Variants in CNTNAP5 observed in about 807,000 individuals in gnomAD.
CNTNAP5 encodes contactin associated protein family member 5.
CNTNAP5 carries 72 observed loss-of-function variants against 150.2 expected under a neutral mutation model. That is an observed-to-expected ratio of 0.48 (90% CI 0.40 to 0.58). The LOEUF (loss-of-function observed/expected upper bound fraction) is 0.58, where lower values mean the gene tolerates loss of function less well. Among genes scored for constraint, CNTNAP5 ranks in the 20% least tolerant of loss-of-function variants. The probability of loss-of-function intolerance (pLI) is 0.00; values close to 1 mark genes in which losing one functional copy is unlikely to be tolerated. For synonymous variants in CNTNAP5, 672 were observed against 619.8 expected (o/e 1.08, Z -1.25); for missense variants, 1,636 against 1,626.2 (o/e 1.01, Z -0.10).
intron 3 of CNTNAP5, among the ~76,000 whole-genome samples, chr2:124,250,436 G>C (rs977209291): frequency 6.6e-6 from 1 of 152,172 alleles, no homozygotes; most frequent in South Asian, 2.1e-4. Context: ...TGATGTGCCT[G>C]GGGGAGAGGC....
At chr2:124,639,828 C>T (rs1462431449) in intron 12 of CNTNAP5, among the ~76,000 whole-genome samples, 1 of 152,156 alleles carries the variant, frequency 6.6e-6, no homozygotes, top group Non-Finnish European at 1.5e-5. Context: ...CCTCACAGTC[C>T]TCTTTCCATC....
At chr2:124,046,952 T>C (rs1681555150) in intron 1 of CNTNAP5, among the ~76,000 whole-genome samples, 1 of 152,168 alleles carries the variant, frequency 6.6e-6, no homozygotes, top group African/African-American at 2.4e-5. Context: ...TCTCCAATTG[T>C]AAGAAATTTC....
intron 3 of CNTNAP5, among the ~76,000 whole-genome samples, chr2:124,267,380 C>G (rs1484413945): frequency 1.3e-5 from 2 of 152,058 alleles, no homozygotes; most frequent in Non-Finnish European, 2.9e-5. Flanking sequence ...AAATGTAACT[C>G]TTCTTATAGG....
intron 8 of CNTNAP5, among the ~76,000 whole-genome samples, chr2:124,511,859 A>G (rs1180274202): frequency 6.6e-6 from 1 of 152,054 alleles, no homozygotes; most frequent in Non-Finnish European, 1.5e-5. Flanking sequence ...GCATGGTCTT[A>G]AAAAGGTTAT....
intron 8 of CNTNAP5, among the ~76,000 whole-genome samples, chr2:124,521,146 A>T (rs1266207269): frequency 1.3e-5 from 2 of 152,166 alleles, no homozygotes; most frequent in Non-Finnish European, 2.9e-5. Context: ...CTGCAAACAG[A>T]ATCCAAGGGA....
intron 3 of CNTNAP5, among the ~76,000 whole-genome samples, chr2:124,391,593 A>G (rs1288436218): frequency 6.6e-6 from 1 of 152,210 alleles, no homozygotes; most frequent in Non-Finnish European, 1.5e-5. Context: ...CTCTTGTGGA[A>G]GAAATAAAAA....
At chr2:124,763,555 C>G (rs1240491405) in intron 14 of CNTNAP5, 117 bp from the exon 15 acceptor site, 2 of 896,126 alleles carry the variant, frequency 2.2e-6, no homozygotes, top group East Asian at 5.3e-5. Flanking sequence ...TTTTCCCCCT[C>G]TCTGCCCCTA....
chr2:124,525,148 A>G (rs1167905344), intron 9 of CNTNAP5, among the ~76,000 whole-genome samples: 2 of 152,234 alleles, frequency 1.3e-5, no homozygotes, highest in East Asian at 1.9e-4. Flanking sequence ...ATGCATATCT[A>G]TATATATGTA....
intron 19 of CNTNAP5, among the ~76,000 whole-genome samples, chr2:124,830,477 C>T (rs960982760): frequency 5.3e-5 from 8 of 151,966 alleles, no homozygotes; most frequent in African/African-American, 1.7e-4. Flanking sequence ...ATTCAGATAA[C>T]TGTCAAATCT....
At chr2:124,860,275 G>A (rs1374261298) in intron 19 of CNTNAP5, among the ~76,000 whole-genome samples, 15 of 152,036 alleles carry the variant, frequency 9.9e-5, no homozygotes, top group South Asian at 2.1e-4. Flanking sequence ...GTGTGAACCC[G>A]GGAGGCGGAG....
At chr2:124,485,631 A>G (rs796940586) in intron 7 of CNTNAP5, among the ~76,000 whole-genome samples, 1 of 134,202 alleles carries the variant, frequency 7.5e-6, no homozygotes, top group African/African-American at 3.1e-5. Context: ...AAAAAAAAAA[A>G]AAAGAAGAAG....
chr2:124,409,124 GA>G (rs1361690181), intron 3 of CNTNAP5, among the ~76,000 whole-genome samples: 1 of 145,800 alleles, frequency 6.9e-6, no homozygotes, highest in Admixed American at 7.0e-5. Flanking sequence ...TCAACTGGAA[GA>G]AAGGGTATCA....
intron 3 of CNTNAP5, among the ~76,000 whole-genome samples, chr2:124,248,833 C>G (rs1460823941): frequency 6.6e-6 from 1 of 152,044 alleles, no homozygotes; most frequent in Non-Finnish European, 1.5e-5. Context: ...GTTTGCAGTC[C>G]CCTACAAACT....
chr2:124,895,635 A>G (rs1454179648), intron 21 of CNTNAP5, among the ~76,000 whole-genome samples: 3 of 151,552 alleles, frequency 2.0e-5, no homozygotes, highest in African/African-American at 7.3e-5. Flanking sequence ...AAAAAAATAG[A>G]GAAATAGGTG....
At chr2:124,734,057 G>C (rs1379948205) in intron 13 of CNTNAP5, among the ~76,000 whole-genome samples, 1 of 152,140 alleles carries the variant, frequency 6.6e-6, no homozygotes, top group Non-Finnish European at 1.5e-5. Context: ...TCATGGAGCA[G>C]CTCTCCATCA....
At chr2:124,415,075 G>A (rs987347476) in intron 3 of CNTNAP5, among the ~76,000 whole-genome samples, 8 of 152,160 alleles carry the variant, frequency 5.3e-5, no homozygotes, top group Non-Finnish European at 8.8e-5. Context: ...ACAGGGAGGC[G>A]TCCTTTCCAG....
At chr2:124,593,247 C>T (rs1197907444) in intron 11 of CNTNAP5, among the ~76,000 whole-genome samples, 1 of 142,858 alleles carries the variant, frequency 7.0e-6, no homozygotes, top group African/African-American at 2.6e-5. Flanking sequence ...AACTCGTCAT[C>T]TAGCATTAGG....
rs373348257 is a variant in CNTNAP5, at chr2:124,911,525, G to A, written c.3714G>A (p.Ser1238=). 150 of 1,597,922 alleles carry A rather than the reference G, an allele frequency of 9.4e-5. No individual in the cohort carries two copies. The highest frequency in any genetic ancestry group is 1.1e-4 in the Non-Finnish European group (131 of 1,171,396). Residue 1238 remains serine (S), a synonymous_variant, in exon 23 of 24, where the codon TCG becomes TCA. Coordinates refer to ENST00000682447, the MANE Select transcript of CNTNAP5 (RefSeq NM_001367498.1). ...TCACAAATGCTGTTCGAAGTGATTC[G>A]GCAGTCATCGGAGGTAAACAATTCA... ...EPLTNAVRSD[S]AVIGGVIAVV...
chr2:124,183,830 T>A (rs1685265677), intron 1 of CNTNAP5, among the ~76,000 whole-genome samples: 1 of 152,074 alleles, frequency 6.6e-6, no homozygotes, highest in African/African-American at 2.4e-5. Flanking sequence ...ACAATCAAGA[T>A]GGGGAGGAAG....
Sources: allele counts gnomAD v4.1 joint callset (sites outside exome capture counted in the v4.1 genomes callset), GRCh38; gene constraint gnomAD v4.1.1; transcripts MANE v1.5; gene names NCBI Gene and HGNC (gene_info 2026-07-23, HGNC 2026-07-21).